CCDC102A: variants seen among roughly 807,000 people sequenced by gnomAD.
CCDC102A encodes the protein coiled-coil domain containing 102A.
A neutral mutation model predicts 55.5 loss-of-function variants in CCDC102A; 40 were observed. That is an observed-to-expected ratio of 0.72 (90% CI 0.56 to 0.94). CCDC102A has a LOEUF of 0.94. Ranked by LOEUF, CCDC102A falls within the 40% of genes least tolerant of loss-of-function variation. The probability of loss-of-function intolerance (pLI) is 0.00; values close to 1 mark genes in which losing one functional copy is unlikely to be tolerated. For synonymous variants in CCDC102A, 323 were observed against 339.0 expected, an observed-to-expected ratio of 0.95 and a Z score of 0.52; for missense variants, 779 against 768.6, an observed-to-expected ratio of 1.01 and a Z score of -0.16.
At chr16:57,520,307 C>G (rs906662528) in intron 4 of CCDC102A, among the ~76,000 whole-genome samples, 1 of 152,204 alleles carries the variant, frequency 6.6e-6, no homozygotes, top group Non-Finnish European at 1.5e-5. Context: ...ACACTCTCCC[C>G]TGTATCTTTT....
chr16:57,521,266 C>T (rs2146704112), intron 3 of CCDC102A, 90 bp from the exon 4 acceptor site: 12 of 956,994 alleles, frequency 1.3e-5, no homozygotes, highest in Non-Finnish European at 2.0e-5. Flanking sequence ...GCCCTCTGCA[C>T]TTGTTGAGCC....
chr16:57,518,010 C>T, intron 6 of CCDC102A, 58 bp downstream of exon 6: 1 of 1,519,472 alleles, frequency 6.6e-7, no homozygotes. Flanking sequence ...GGAAGCTGCG[C>T]TCTGGCTGGA....
chr16:57,514,916 C>T (rs573723117), intron 8 of CCDC102A, among the ~76,000 whole-genome samples: 4 of 152,116 alleles, frequency 2.6e-5, no homozygotes, highest in Middle Eastern at 3.4e-3. Flanking sequence ...TGGCAGTGGA[C>T]GGGATCCAGG....
chr16:57,524,852 A>G (rs1487287143), intron 3 of CCDC102A, among the ~76,000 whole-genome samples: 1 of 152,128 alleles, frequency 6.6e-6, no homozygotes, highest in Non-Finnish European at 1.5e-5. Context: ...TGACCTCCAC[A>G]TTCTAAATCC....
chr16:57,516,651 C>G lies in CCDC102A; in HGVS notation c.1249-188G>C, dbSNP rs1238870149. The G allele has an allele frequency of 4.9e-6, 3 of 608,270 alleles. No individual in the cohort carries two copies. Among genetic ancestry groups the G allele is most frequent in the African/African-American group, 3.7e-5 (2 of 54,026 alleles). The allele number at this position is 608,270 out of a possible 1,614,324, so 37.7% of individuals were successfully genotyped here. On this transcript the variant is annotated intron_variant, in intron 6 of 8. Coordinates refer to ENST00000258214, the MANE Select transcript of CCDC102A (RefSeq NM_033212.4). This position sits in a 1 kb window ranked among gnomAD's most constrained non-coding sequence, Gnocchi z 4.4. ...GCTGAGCAGCCAGAGGCTGGAGGTGCCTTCCAGGGAGGTGAGAAGGCTGGG... is the reference window on the plus strand; with the variant it reads ...GCTGAGCAGCCAGAGGCTGGAGGTGGCTTCCAGGGAGGTGAGAAGGCTGGG...
intron 6 of CCDC102A, 113 bp downstream of exon 6, chr16:57,517,955 A>G: frequency 1.6e-6 from 2 of 1,229,578 alleles, no homozygotes; most frequent in African/African-American, 1.5e-5. Flanking sequence ...AAGGTGCTGA[A>G]TACATGCAGC....
chr16:57,518,859 G>T, intron 4 of CCDC102A, 118 bp from the exon 5 acceptor site: 1 of 705,264 alleles, frequency 1.4e-6, no homozygotes, highest in Non-Finnish European at 2.5e-6. Context: ...GCGCCCAAAT[G>T]GGGCAGGCAC....
chr16:57,520,596 A>ATAACATAACATAAC (rs1567602897), intron 4 of CCDC102A, among the ~76,000 whole-genome samples: 1 of 55,790 alleles, frequency 1.8e-5, no homozygotes, highest in East Asian at 3.1e-4. Flanking sequence ...CATAACATAA[A>ATAACATAACATAAC]TAAAATAAAA....
In CCDC102A at chr16:57,528,573, G is replaced by T; in HGVS notation, c.585+20C>A. 1.6e-6 allele frequency: 2 copies of T among 1,221,426 alleles called. No individual in the cohort carries two copies. The highest frequency in any genetic ancestry group is 2.1e-6 in the Non-Finnish European group (2 of 973,922). 75.7% of individuals were successfully genotyped at this position (1,221,426 alleles called of 1,614,324 possible). ...CCCACTTCGAGACTGGAGCGCGAAC[G>T]CCCCGCCCGCGCCGCGCACCTGGCT... is the stretch of plus-strand genomic sequence containing the variant. On this transcript the variant is annotated intron_variant, in intron 2 of 8. Coordinates refer to ENST00000258214, the MANE Select transcript of CCDC102A (RefSeq NM_033212.4).
rs1263877648 is a variant in CCDC102A at position 57,526,046 on chromosome 16, C to T, written c.667G>A (p.Gly223Arg). Residue 223 changes from glycine (G) to arginine (R), a missense_variant, in exon 3 of 9, where the codon GGG (glycine) becomes AGG (arginine). Gly to Arg is a moderately radical substitution (Grantham distance 125). Transcript: ENST00000258214. ...DCWEARSLGA[G>R]GPRGSSGRQE... The stretch of plus-strand genomic sequence containing the variant: ...CGGCCTGAGCTGCCCCGCGGGCCCC[C>T]AGCCCCCAGGCTGCGCGCCTCCCAG... 1.9e-6 allele frequency: 3 copies of T among 1,595,460 alleles called. No homozygotes were observed. The highest frequency in any genetic ancestry group is 3.5e-5 in the Admixed American group (2 of 56,708).
At chr16:57,521,002 C>T (rs1292012404) in intron 4 of CCDC102A, 66 bp downstream of exon 4, 8 of 967,000 alleles carry the variant, frequency 8.3e-6, no homozygotes, top group Non-Finnish European at 1.2e-5. Context: ...CTTCCATCTC[C>T]ACTACTGAAA....
intron 2 of CCDC102A, among the ~76,000 whole-genome samples, chr16:57,527,317 T>C (rs566460754): frequency 1.3e-5 from 2 of 152,288 alleles, no homozygotes; most frequent in East Asian, 3.9e-4. Flanking sequence ...GCACCCACTG[T>C]TAATGCAGCA....
chr16:57,518,231 T>C lies in CCDC102A; in HGVS notation c.1085A>G (p.Glu362Gly). 1 of 1,611,948 alleles carries C rather than the reference T, an allele frequency of 6.2e-7. No homozygotes were observed. The change falls in exon 6 of 9, where the codon GAG becomes GGG. Residue 362 changes from glutamate (E) to glycine (G), a missense_variant. Transcript: ENST00000258214. ...AENAAEWGRR[E>G]RLETEKLGLE... ...GCCCAGTTTCTCTGTCTCCAGCCGC[T>C]CCCGGCGGCCCCACTCCGCAGCGTT...
intron 1 of CCDC102A, among the ~76,000 whole-genome samples, chr16:57,531,758 T>C (rs1160578995): frequency 6.6e-6 from 1 of 152,158 alleles, no homozygotes; most frequent in East Asian, 1.9e-4. Flanking sequence ...TCTGTGCTCC[T>C]AATTTCTCCC....
intron 4 of CCDC102A, among the ~76,000 whole-genome samples, 193 bp downstream of exon 4, chr16:57,520,875 G>A (rs1304528187): frequency 6.6e-6 from 1 of 151,408 alleles, no homozygotes; most frequent in Non-Finnish European, 1.5e-5. Flanking sequence ...GGGAGGTGGA[G>A]GTTGCAGTGA....
At chr16:57,533,372 C>A (rs2032306671) in intron 1 of CCDC102A, among the ~76,000 whole-genome samples, 1 of 152,028 alleles carries the variant, frequency 6.6e-6, no homozygotes, top group Non-Finnish European at 1.5e-5. Context: ...CCACATAGAC[C>A]CAAGGGCAGC....
rs549604567 is a variant in CCDC102A at position 57,529,005 on chromosome 16, G to T, written c.173C>A (p.Pro58His). The part of the protein sequence containing the change: ...SPGPPPALPL[P>H]PAPALLADGD... Reference sequence around the variant, plus strand: ...GTCGGCCAGCAGCGCGGGCGCGGGGGGCAGGGGCAGTGCGGGCGGCGGCCC... The same window carrying T: ...GTCGGCCAGCAGCGCGGGCGCGGGGTGCAGGGGCAGTGCGGGCGGCGGCCC... The change falls in exon 2 of 9, where the codon CCC becomes CAC. Residue 58 changes from proline to histidine, a missense_variant. Coordinates refer to ENST00000258214, the MANE Select transcript of CCDC102A (RefSeq NM_033212.4). This position sits in a 1 kb window ranked among gnomAD's most constrained non-coding sequence, Gnocchi z 4.1. The T allele has an allele frequency of 1.8e-6, 2 of 1,115,126 alleles. No individual in the cohort carries two copies. Among genetic ancestry groups the T allele is most frequent in the East Asian group, 5.1e-5 (1 of 19,782 alleles). 69.1% of individuals were successfully genotyped at this position (1,115,126 alleles called of 1,614,324 possible).
intron 1 of CCDC102A, among the ~76,000 whole-genome samples, chr16:57,533,645 C>T (rs1310604823): frequency 6.6e-6 from 1 of 151,702 alleles, no homozygotes; most frequent in African/African-American, 2.4e-5. Flanking sequence ...AACACTCACA[C>T]TCACACATGG....
rs1219985964 is a variant in CCDC102A, at chr16:57,512,527, C to T, written c.*214G>A. On this transcript the variant is annotated 3_prime_UTR_variant, in exon 9 of 9. Transcript: ENST00000258214. ...ACTTCTGGGTGTGCGCGCGCGCGCG[C>T]GCGTGTGTGTATATATATATATAAA... 16 of 493,110 alleles carry T rather than the reference C, an allele frequency of 3.2e-5. No individual in the cohort carries two copies. Among genetic ancestry groups the T allele is most frequent in the Middle Eastern group, 5.3e-4 (1 of 1,884 alleles). 30.5% of individuals were successfully genotyped at this position (493,110 alleles called of 1,614,324 possible).
Sources: allele counts gnomAD v4.1 joint callset (sites outside exome capture counted in the v4.1 genomes callset), GRCh38; gene constraint gnomAD v4.1.1; non-coding constraint Gnocchi (gnomAD v3.1); transcripts MANE v1.5; gene names NCBI Gene and HGNC (gene_info 2026-07-23, HGNC 2026-07-21).